The following THSD7B variants were observed in gnomAD, a reference collection of about 807,000 sequenced individuals.
THSD7B encodes thrombospondin type 1 domain containing 7B.
Under a neutral mutation model 213.6 loss-of-function variants are expected in THSD7B, and 138 were observed. The observed-to-expected ratio is 0.65, with a 90% CI of 0.56 to 0.74. The LOEUF (loss-of-function observed/expected upper bound fraction) is 0.74, where lower values mean the gene tolerates loss of function less well. THSD7B is among the 30% of genes least tolerant of loss of function. The pLI is 0.00. For missense variants in THSD7B, 1,931 were observed against 1,991.5 expected (o/e 0.97, Z 0.58); for synonymous variants, 742 against 687.0 (o/e 1.08, Z -1.25).
At chr2:137,413,173 A>G (rs1686710225) in intron 14 of THSD7B, among the ~76,000 whole-genome samples, 1 of 152,178 alleles carries the variant, frequency 6.6e-6, no homozygotes, top group Non-Finnish European at 1.5e-5. Flanking sequence ...TTCCTAGATT[A>G]GTCTACATTA....
At chr2:137,129,627 G>C (rs1293185835) in intron 5 of THSD7B, among the ~76,000 whole-genome samples, 1 of 152,034 alleles carries the variant, frequency 6.6e-6, no homozygotes, top group East Asian at 1.9e-4. Flanking sequence ...TAGCTTTAGA[G>C]ATGGGATCTC....
chr2:137,477,834 G>T (rs1272176484), intron 15 of THSD7B, among the ~76,000 whole-genome samples: 1 of 151,768 alleles, frequency 6.6e-6, no homozygotes, highest in Non-Finnish European at 1.5e-5. Context: ...CTTCATTTAT[G>T]AAGGGTAACT....
At chr2:137,069,637 A>G (rs1254999776) in intron 3 of THSD7B, among the ~76,000 whole-genome samples, 3 of 151,978 alleles carry the variant, frequency 2.0e-5, no homozygotes, top group Non-Finnish European at 2.9e-5. Context: ...ACGATTTTTT[A>G]AAAAGCCATC....
intron 2 of THSD7B, among the ~76,000 whole-genome samples, chr2:136,946,668 A>G (rs1209008243): frequency 6.6e-6 from 1 of 152,102 alleles, no homozygotes; most frequent in Non-Finnish European, 1.5e-5. Flanking sequence ...TGCTTTGTTT[A>G]TCTACTCAAG....
chr2:137,543,216 A>G lies in THSD7B; in HGVS notation c.3139-20005A>G, dbSNP rs144766983. ...TTCCTTATTACTGGCTGACTAAAAT[A>G]ATATAGGACAATCTCCCTAACACAA... is the stretch of plus-strand genomic sequence containing the variant. On this transcript the variant is annotated intron_variant, in intron 15 of 27. Transcript: ENST00000409968. Among the ~76,000 whole-genome samples, 643 of 151,912 alleles carry G rather than the reference A, an allele frequency of 4.2e-3. 4 individuals carry two copies. The highest frequency in any genetic ancestry group is 0.015 in the African/African-American group (616 of 41,510).
intron 15 of THSD7B, among the ~76,000 whole-genome samples, chr2:137,460,985 C>G (rs1346973098): frequency 6.6e-6 from 1 of 152,082 alleles, no homozygotes; most frequent in Non-Finnish European, 1.5e-5. Context: ...TCTTTCACGT[C>G]TACCTTTTTC....
At chr2:136,940,729 TATATATATATATA>T (rs1684807868) in intron 2 of THSD7B, among the ~76,000 whole-genome samples, 1 of 134,608 alleles carries the variant, frequency 7.4e-6, no homozygotes, top group Non-Finnish European at 1.6e-5. Flanking sequence ...ATATATATAA[TATATATATATATA>T]TTTTTTCTTA....
intron 14 of THSD7B, among the ~76,000 whole-genome samples, chr2:137,442,559 A>C (rs1276766108): frequency 6.6e-6 from 1 of 152,016 alleles, no homozygotes; most frequent in African/African-American, 2.4e-5. Context: ...GGGCTGATTG[A>C]GCAGCCAGGA....
At chr2:137,171,501 A>G (rs550475944) in intron 7 of THSD7B, among the ~76,000 whole-genome samples, 18 of 152,334 alleles carry the variant, frequency 1.2e-4, no homozygotes, top group Non-Finnish European at 2.2e-4. Context: ...TCTTTCCTCA[A>G]TCAGCAAGCA....
At chr2:137,295,729 C>G (rs74700892) in intron 12 of THSD7B, among the ~76,000 whole-genome samples, 1 of 152,094 alleles carries the variant, frequency 6.6e-6, no homozygotes, top group African/African-American at 2.4e-5. Flanking sequence ...CTGCCTCATC[C>G]TCCCAAAGTG....
In THSD7B at chr2:137,611,270, AT is replaced by A. The variant is rs1402554201; in HGVS notation, c.3424-4904del. Among the ~76,000 whole-genome samples, 3 of 151,924 alleles carry A rather than the reference AT, an allele frequency of 2.0e-5. No individual in the cohort carries two copies. In the East Asian group the frequency reaches 5.8e-4, roughly 29 times the overall value. Reference sequence around the variant, plus strand: ...CTATTGATGTTATGAATATATATATATAATCTTTTGAAATAATTTTTACCCT... The same window carrying A: ...CTATTGATGTTATGAATATATATATAAATCTTTTGAAATAATTTTTACCCT... On this transcript the variant is annotated intron_variant, in intron 17 of 27. Transcript: ENST00000409968.
At chr2:137,555,172 G>C (rs935399316) in intron 15 of THSD7B, among the ~76,000 whole-genome samples, 1 of 152,210 alleles carries the variant, frequency 6.6e-6, no homozygotes, top group Admixed American at 6.5e-5. Context: ...AAATGTCCCT[G>C]TCTGACAGCT....
At chr2:137,263,804 A>T (rs547386791) in intron 10 of THSD7B, among the ~76,000 whole-genome samples, 1 of 152,166 alleles carries the variant, frequency 6.6e-6, no homozygotes, top group Non-Finnish European at 1.5e-5. Flanking sequence ...ACCAAGATGG[A>T]TAGGAAGGAA....
rs529157675 is a variant in THSD7B at position 136,991,008 on chromosome 2, A to G, written c.140-65412A>G. The G allele has an allele frequency of 3.4e-6, 4 of 1,182,048 alleles. No individual in the cohort carries two copies. The Admixed American group carries it at 9.4e-5, about 28-fold the overall frequency. The allele number at this position is 1,182,048 out of a possible 1,614,324, so 73.2% of individuals were successfully genotyped here. Reference sequence around the variant, plus strand: ...ATCGTCTCTGCTGGCACAGGTGAATACCTGTCCTCCCCAAAAAAGGAGAAA... The same window carrying G: ...ATCGTCTCTGCTGGCACAGGTGAATGCCTGTCCTCCCCAAAAAAGGAGAAA... On this transcript the variant is annotated intron_variant, in intron 2 of 27. Transcript: ENST00000409968.
intron 1 of THSD7B, among the ~76,000 whole-genome samples, chr2:136,800,399 A>G (rs975401434): frequency 6.6e-6 from 1 of 151,130 alleles, no homozygotes; most frequent in Admixed American, 6.6e-5. Flanking sequence ...GGCTTATTTC[A>G]CCTCTCTGTG....
chr2:136,820,872 A>C (rs1247064347), intron 1 of THSD7B, among the ~76,000 whole-genome samples: 1 of 150,874 alleles, frequency 6.6e-6, no homozygotes, highest in Non-Finnish European at 1.5e-5. Context: ...TCTACTTGAG[A>C]GAGGGAGAGA....
chr2:137,566,416 G>A (rs975425915), intron 16 of THSD7B, among the ~76,000 whole-genome samples: 3 of 152,140 alleles, frequency 2.0e-5, no homozygotes, highest in African/African-American at 7.2e-5. Flanking sequence ...CCTGAGCTGG[G>A]GGTTGGGTCA....
At chr2:137,105,458 G>A (rs1362811524) in intron 4 of THSD7B, among the ~76,000 whole-genome samples, 1 of 152,098 alleles carries the variant, frequency 6.6e-6, no homozygotes, top group Non-Finnish European at 1.5e-5. Context: ...CATACTGAAC[G>A]AGCAAAAACT....
intron 7 of THSD7B, among the ~76,000 whole-genome samples, chr2:137,175,527 A>G (rs565870734): frequency 6.6e-6 from 1 of 152,208 alleles, no homozygotes; most frequent in East Asian, 1.9e-4. Context: ...CAAGCTGTGT[A>G]TATATTTGCA....
Sources: allele counts gnomAD v4.1 joint callset (sites outside exome capture counted in the v4.1 genomes callset), GRCh38; gene constraint gnomAD v4.1.1; transcripts MANE v1.5; gene names NCBI Gene and HGNC (gene_info 2026-07-23, HGNC 2026-07-21).